Variants in ZCCHC24 observed in about 807,000 individuals in gnomAD.
ZCCHC24 encodes the protein zinc finger CCHC-type containing 24.
Under a neutral mutation model 26.2 loss-of-function variants are expected in ZCCHC24, and 10 were observed. That is an observed-to-expected ratio of 0.38 (90% CI 0.24 to 0.65). The LOEUF (loss-of-function observed/expected upper bound fraction) is 0.65. ZCCHC24 is among the 30% of genes least tolerant of loss of function. ZCCHC24 has a pLI of 0.54. For missense variants in ZCCHC24, 243 were observed against 329.1 expected, an observed-to-expected ratio of 0.74 and a Z score of 2.03; for synonymous variants, 144 against 147.1, an observed-to-expected ratio of 0.98 and a Z score of 0.15.
intron 2 of ZCCHC24, among the ~76,000 whole-genome samples, chr10:79,404,640 G>A (rs552054637): frequency 2.0e-5 from 3 of 152,118 alleles, no homozygotes; most frequent in Admixed American, 6.5e-5. Context: ...TTTGGGTCCC[G>A]TTTGCTCAGC....
intron 3 of ZCCHC24, among the ~76,000 whole-genome samples, chr10:79,387,201 G>A (rs1856408707): frequency 3.9e-5 from 6 of 152,126 alleles, no homozygotes; most frequent in Admixed American, 3.9e-4. Context: ...AGAGAAGGGA[G>A]GTGACTTGCC....
intron 2 of ZCCHC24, among the ~76,000 whole-genome samples, chr10:79,424,437 C>A (rs915287356): frequency 1.3e-5 from 2 of 152,254 alleles, no homozygotes; most frequent in Non-Finnish European, 2.9e-5. Flanking sequence ...GCCCTCCTTG[C>A]TGCCTGCTCC....
At chr10:79,430,795 C>T (rs188169831) in intron 2 of ZCCHC24, among the ~76,000 whole-genome samples, 5 of 152,196 alleles carry the variant, frequency 3.3e-5, no homozygotes, top group Non-Finnish European at 7.4e-5. Flanking sequence ...CCACCCTTCT[C>T]CAAAGCCCTT....
At chr10:79,424,972 A>C (rs2395576) in intron 2 of ZCCHC24, among the ~76,000 whole-genome samples, 65,909 of 151,960 alleles carry the variant, frequency 0.43, 16,025 homozygotes, top group East Asian at 0.69. Context: ...TTCTATCTGT[A>C]CCACCGAGGA....
At chr10:79,404,019 C>T (rs1157924071) in intron 2 of ZCCHC24, among the ~76,000 whole-genome samples, 1 of 151,776 alleles carries the variant, frequency 6.6e-6, no homozygotes, top group Non-Finnish European at 1.5e-5. Context: ...TGAGAGAGCG[C>T]CCGTCAGAGC....
chr10:79,388,009 C>A (rs1217316905), intron 3 of ZCCHC24, among the ~76,000 whole-genome samples: 4 of 152,184 alleles, frequency 2.6e-5, no homozygotes, highest in Non-Finnish European at 5.9e-5. Context: ...CCCTGTCCAG[C>A]TTTCATCCTG....
intron 1 of ZCCHC24, among the ~76,000 whole-genome samples, chr10:79,436,781 AGGCTGCTCTGGGCACT>A (rs774656859): frequency 6.6e-6 from 1 of 152,232 alleles, no homozygotes; most frequent in Non-Finnish European, 1.5e-5. Flanking sequence ...ACCTTAGATT[AGGCTGCTCTGGGCACT>A]GGTGCAGGGC....
At chr10:79,427,421 A>G (rs1482151165) in intron 2 of ZCCHC24, among the ~76,000 whole-genome samples, 3 of 152,230 alleles carry the variant, frequency 2.0e-5, no homozygotes, top group African/African-American at 4.8e-5. Context: ...ATTCTCCAGA[A>G]TAACTCATAA....
chr10:79,402,770 G>T (rs1237611018), intron 2 of ZCCHC24, among the ~76,000 whole-genome samples: 2 of 152,338 alleles, frequency 1.3e-5, no homozygotes, highest in East Asian at 3.9e-4. Flanking sequence ...CATGGAGCCA[G>T]AACTTAAACC....
chr10:79,432,821 A>C, intron 1 of ZCCHC24, 63 bp from the exon 2 acceptor site: 4 of 1,528,850 alleles, frequency 2.6e-6, no homozygotes, highest in Non-Finnish European at 3.5e-6. Context: ...ATAACCCCCC[A>C]CCCAAACACA....
At chr10:79,398,283 A>T in intron 2 of ZCCHC24, among the ~76,000 whole-genome samples, 2 of 152,338 alleles carry the variant, frequency 1.3e-5, no homozygotes, top group South Asian at 2.1e-4. Context: ...TTCCTCGCCA[A>T]GTTATTCAAA....
chr10:79,431,039 C>G (rs1857120078), intron 2 of ZCCHC24, among the ~76,000 whole-genome samples: 1 of 152,222 alleles, frequency 6.6e-6, no homozygotes, highest in South Asian at 2.1e-4. Flanking sequence ...AAATGAAATA[C>G]TGCTTGGAGA....
chr10:79,407,995 C>A (rs909952823), intron 2 of ZCCHC24, among the ~76,000 whole-genome samples: 2 of 152,226 alleles, frequency 1.3e-5, no homozygotes, highest in African/African-American at 4.8e-5. Context: ...GAACAATGAT[C>A]ATGGAGCAGG....
intron 2 of ZCCHC24, among the ~76,000 whole-genome samples, chr10:79,412,920 C>A (rs557320596): frequency 6.6e-6 from 1 of 152,342 alleles, no homozygotes; most frequent in South Asian, 2.1e-4. Context: ...TTAACAATAG[C>A]CACCATCAAC....
intron 1 of ZCCHC24, among the ~76,000 whole-genome samples, chr10:79,433,269 T>C (rs141213131): frequency 9.2e-5 from 14 of 152,256 alleles, no homozygotes; most frequent in Non-Finnish European, 1.8e-4. Context: ...GCGGCATTGC[T>C]CCCGCTTCAC....
intron 1 of ZCCHC24, among the ~76,000 whole-genome samples, chr10:79,434,850 ATCT>A (rs1201007831): frequency 6.6e-6 from 1 of 152,148 alleles, no homozygotes; most frequent in Non-Finnish European, 1.5e-5. Context: ...GAACTTTTTC[ATCT>A]TCTCAAACTG....
intron 2 of ZCCHC24, among the ~76,000 whole-genome samples, chr10:79,402,182 G>C (rs1856641994): frequency 6.6e-6 from 1 of 152,358 alleles, no homozygotes; most frequent in South Asian, 2.1e-4. Flanking sequence ...TTGAGCCTGG[G>C]GCAGTGCGGA....
chr10:79,406,391 T>C lies in ZCCHC24; in HGVS notation c.448-11951A>G, dbSNP rs565347918. Among the ~76,000 whole-genome samples, 11 of 152,252 alleles carry C rather than the reference T, an allele frequency of 7.2e-5. No homozygotes were observed. In the South Asian group the frequency reaches 2.3e-3, roughly 32 times the overall value. ...CTGCAGAGGAAGAGCTGCTCTTATG[T>C]GACTTTTACAGGGGGGTCGCAGGGA... On this transcript the variant is annotated intron_variant, in intron 2 of 3. Coordinates refer to ENST00000372336, the MANE Select transcript of ZCCHC24 (RefSeq NM_153367.4).
At chr10:79,392,381 G>T (rs778495108) in intron 3 of ZCCHC24, among the ~76,000 whole-genome samples, 1 of 152,092 alleles carries the variant, frequency 6.6e-6, no homozygotes, top group Non-Finnish European at 1.5e-5. Flanking sequence ...GCCCCAGCCC[G>T]CTTGTCTCCC....
Sources: allele counts gnomAD v4.1 joint callset (sites outside exome capture counted in the v4.1 genomes callset), GRCh38; gene constraint gnomAD v4.1.1; transcripts MANE v1.5; gene names NCBI Gene and HGNC (gene_info 2026-07-23, HGNC 2026-07-21).